UBAP2: variants seen among roughly 807,000 people sequenced by gnomAD.
UBAP2 encodes the protein ubiquitin-associated protein 2.
Under a neutral mutation model 139.6 loss-of-function variants are expected in UBAP2, and 75 were observed. The observed-to-expected ratio is 0.54, with a 90% CI of 0.45 to 0.65. The LOEUF (loss-of-function observed/expected upper bound fraction) is 0.65, where lower values mean the gene tolerates loss of function less well. Ranked by LOEUF, UBAP2 falls within the 30% of genes least tolerant of loss-of-function variation. The probability of loss-of-function intolerance (pLI) is 0.00; values close to 1 mark genes in which losing one functional copy is unlikely to be tolerated. For missense variants in UBAP2, 1,368 were observed against 1,369.6 expected (o/e 1.00, Z 0.02); for synonymous variants, 526 against 526.2 (o/e 1.00, Z 0.01).
intron 4 of UBAP2, chr9:33,995,560 T>TTATATTATTAAATAAATATATTATTAAA (rs1564053637): frequency 6.4e-4 from 34 of 52,718 alleles, no homozygotes; most frequent in Admixed American, 1.6e-3. Flanking sequence ...ATTAAATAAT[T>TTATATTATTAAATAAATATATTATTAAA]TAATTTAATT....
Position 33,921,935 on chromosome 9 carries a change from G to A in UBAP2, c.*569C>T, listed in dbSNP as rs2277178. On this transcript the variant is annotated 3_prime_UTR_variant, in exon 29 of 29. Transcript: ENST00000379238. ...CCCCTGTTCTATATGAAGACAAACA[G>A]GTGGCCATACTTGGGTGGAGGGATA... is the stretch of plus-strand genomic sequence containing the variant. The A allele has an allele frequency of 0.06, 9,194 of 152,684 alleles. 627 individuals carry two copies. The highest frequency in any genetic ancestry group is 0.17 in the African/African-American group (6,993 of 41,410). The allele number at this position is 152,684 out of a possible 1,614,324, so 9.5% of individuals were successfully genotyped here.
At chr9:33,954,576 C>T (rs1826394492) in intron 11 of UBAP2, among the ~76,000 whole-genome samples, 1 of 152,168 alleles carries the variant, frequency 6.6e-6, no homozygotes, top group Non-Finnish European at 1.5e-5. Flanking sequence ...CTGACATTCT[C>T]ACCATGCCAA....
At chr9:33,944,219 G>A (rs1382370445) in intron 14 of UBAP2, 146 bp downstream of exon 14, 17 of 1,081,438 alleles carry the variant, frequency 1.6e-5, no homozygotes, top group Non-Finnish European at 2.0e-5. Flanking sequence ...TGGTCACTCA[G>A]AAATGGCCAT....
At chr9:33,997,019 C>G (rs916107975) in intron 3 of UBAP2, 6 of 152,122 alleles carry the variant, frequency 3.9e-5, no homozygotes, top group African/African-American at 1.4e-4. Context: ...GGAGACAGAG[C>G]GAGACCCTGT....
At chr9:34,020,532 G>T (rs1239062641) in intron 1 of UBAP2, among the ~76,000 whole-genome samples, 1 of 151,636 alleles carries the variant, frequency 6.6e-6, no homozygotes, top group Non-Finnish European at 1.5e-5. Flanking sequence ...GGCCATGTTG[G>T]TCAGGCTGGT....
chr9:33,940,164 G>A (rs146790633), intron 16 of UBAP2, among the ~76,000 whole-genome samples: 1 of 152,092 alleles, frequency 6.6e-6, no homozygotes, highest in Admixed American at 6.5e-5. Context: ...ATGCATGCAG[G>A]CAGATTTAAT....
rs1323866794 is a variant in UBAP2 at position 33,948,399 on chromosome 9, G to C, written c.1245C>G (p.Ser415=). 2 of 1,613,082 alleles carry C rather than the reference G, an allele frequency of 1.2e-6. No individual in the cohort carries two copies. Among genetic ancestry groups the C allele is most frequent in the East Asian group, 2.2e-5 (1 of 44,846 alleles). ...TTSWDLKPPT[S]QSSVLSHLDF... ...CAAGATGACTGAGGACTGAGGACTG[G>C]GATGTTGGGGGCTTGAGGTCCCAAG... The change falls in exon 13 of 29, where the codon TCC becomes TCG. Residue 415 remains serine, a synonymous_variant. Coordinates refer to ENST00000379238, the MANE Select transcript of UBAP2 (RefSeq NM_001370062.2).
At chr9:33,941,051 T>G (rs911029284) in intron 16 of UBAP2, among the ~76,000 whole-genome samples, 1 of 152,200 alleles carries the variant, frequency 6.6e-6, no homozygotes, top group Non-Finnish European at 1.5e-5. Flanking sequence ...ACATGAAATG[T>G]GTATACTTGT....
intron 11 of UBAP2, among the ~76,000 whole-genome samples, chr9:33,955,249 G>C (rs1390523677): frequency 1.3e-5 from 2 of 151,926 alleles, no homozygotes; most frequent in African/African-American, 2.4e-5. Flanking sequence ...GGCCAGGCGC[G>C]GTGGCTCACA....
chr9:34,044,658 A>G (rs1827410594), intron 1 of UBAP2, among the ~76,000 whole-genome samples: 1 of 152,074 alleles, frequency 6.6e-6, no homozygotes, highest in South Asian at 2.1e-4. Context: ...TGAGGTCAGG[A>G]GTTCCAAGAC....
At chr9:33,947,119 A>G (rs1196488460) in intron 13 of UBAP2, among the ~76,000 whole-genome samples, 1 of 152,212 alleles carries the variant, frequency 6.6e-6, no homozygotes, top group African/African-American at 2.4e-5. Context: ...CAGGGTACCT[A>G]CATTTCTTGC....
At chr9:34,014,291 C>A (rs1391054693) in intron 2 of UBAP2, among the ~76,000 whole-genome samples, 1 of 125,818 alleles carries the variant, frequency 7.9e-6, no homozygotes, top group Non-Finnish European at 1.6e-5. Flanking sequence ...AGAGTAACTG[C>A]ACTCTAGACT....
intron 1 of UBAP2, among the ~76,000 whole-genome samples, chr9:34,042,202 T>G (rs947461945): frequency 6.6e-5 from 10 of 151,542 alleles, no homozygotes; most frequent in Non-Finnish European, 1.5e-4. Context: ...AACAGTAGGC[T>G]GGGGTGGTGG....
intron 5 of UBAP2, among the ~76,000 whole-genome samples, chr9:33,987,580 G>C (rs1821328210): frequency 6.6e-6 from 1 of 152,138 alleles, no homozygotes. Context: ...CTGCACTTCA[G>C]CCTGGGTGAA....
chr9:33,936,026 A>C, intron 16 of UBAP2, 148 bp from the exon 17 acceptor site: 1 of 957,716 alleles, frequency 1.0e-6, no homozygotes, highest in Non-Finnish European at 1.5e-6. Flanking sequence ...ATAAACAACA[A>C]ACTCTCATGC....
At position 33,948,629 on chromosome 9, in the gene UBAP2, A is replaced by G. The variant is rs376166424; in HGVS notation, c.1057-42T>C. Reference sequence around the variant, plus strand: ...AAAGAACAAATCCTCAACAATACAGAATTTCTGCCCAAGGCTTTAAAACAT... The same window carrying G: ...AAAGAACAAATCCTCAACAATACAGGATTTCTGCCCAAGGCTTTAAAACAT... On this transcript the variant is annotated intron_variant, in intron 12 of 28. Transcript: ENST00000379238. 2.6e-6 allele frequency: 4 copies of G among 1,564,098 alleles called. No individual in the cohort carries two copies. The African/African-American group carries it at 5.4e-5, about 21-fold the overall frequency.
rs1034331653 is a variant in UBAP2 at position 34,004,564 on chromosome 9, C to T, written c.100-5700G>A. Among the ~76,000 whole-genome samples, 4 of 151,926 alleles carry T rather than the reference C, an allele frequency of 2.6e-5. No homozygotes were observed. The East Asian group carries it at 7.8e-4, about 29-fold the overall frequency. On this transcript the variant is annotated intron_variant, in intron 2 of 28. Coordinates refer to ENST00000379238, the MANE Select transcript of UBAP2 (RefSeq NM_001370062.2). ...TTGGGAGGCCAAGGCGGGTGGATCA[C>T]GAGGTCAGGAGATCGAGACCATCCT...
At chr9:34,014,232 CAGG>C (rs1587661236) in intron 2 of UBAP2, among the ~76,000 whole-genome samples, 1 of 137,514 alleles carries the variant, frequency 7.3e-6, no homozygotes, top group African/African-American at 2.7e-5. Context: ...GAGGATAAGA[CAGG>C]AGAATCGCCT....
chr9:33,945,525 A>G (rs985501511), intron 13 of UBAP2, among the ~76,000 whole-genome samples: 1 of 152,152 alleles, frequency 6.6e-6, no homozygotes, highest in Non-Finnish European at 1.5e-5. Flanking sequence ...AATCCAATAG[A>G]TACAAGAATA....
Sources: allele counts gnomAD v4.1 joint callset (sites outside exome capture counted in the v4.1 genomes callset), GRCh38; gene constraint gnomAD v4.1.1; transcripts MANE v1.5; gene names NCBI Gene and HGNC (gene_info 2026-07-23, HGNC 2026-07-21).